NEUROG2: variants seen among roughly 807,000 people sequenced by gnomAD.
NEUROG2 encodes neurogenin-2.
NEUROG2 carries 1 observed loss-of-function variant against 2.8 expected under a neutral mutation model. The ratio of observed to expected loss-of-function variants is 0.36; its 90% CI spans 0.13 to 1.71. The LOEUF (loss-of-function observed/expected upper bound fraction) is 1.71, where lower values mean the gene tolerates loss of function less well. Ranked by LOEUF, NEUROG2 falls within the 40% of genes most tolerant of loss-of-function variation. The pLI is 0.34. For synonymous variants in NEUROG2, 211 were observed against 187.7 expected, an observed-to-expected ratio of 1.12 and a Z score of -1.01; for missense variants, 397 against 392.7, an observed-to-expected ratio of 1.01 and a Z score of -0.09.
chr4:112,515,322 GCGCCCC>G lies in NEUROG2; in HGVS notation c.148_153del (p.Gly50_Ala51del). 1 of 1,419,536 alleles carries G rather than the reference GCGCCCC, an allele frequency of 7.0e-7. No individual in the cohort carries two copies. Among genetic ancestry groups the G allele is most frequent in the Non-Finnish European group, 9.1e-7 (1 of 1,093,796 alleles). 87.9% of individuals were successfully genotyped at this position (1,419,536 alleles called of 1,614,324 possible). A position where few individuals can be genotyped will look rare whatever the true frequency, so the allele number is the denominator to read the frequency against. ...CCGGCCTCAGCCCCGCGCTGCCGAC[GCGCCCC>G]GCCTGACGCGCCCGGCTCCTCCTCC... On this transcript the variant is annotated inframe_deletion, in exon 2 of 2. Transcript: ENST00000313341.
intron 1 of NEUROG2, 103 bp from the exon 2 acceptor site, chr4:112,515,579 A>G (rs1736423174): frequency 3.0e-6 from 3 of 992,238 alleles, no homozygotes; most frequent in Non-Finnish European, 2.8e-6. Flanking sequence ...ACCCGAGAAG[A>G]CCAGCTCCGA....
In NEUROG2 at chr4:112,515,272, A is replaced by C. The variant is rs1304634249; in HGVS notation, c.204T>G (p.Ala68=). 4 of 1,517,460 alleles carry C rather than the reference A, an allele frequency of 2.6e-6. No individual in the cohort carries two copies. The highest frequency in any genetic ancestry group is 3.5e-6 in the Non-Finnish European group (4 of 1,142,048). 94.0% of individuals were successfully genotyped at this position (1,517,460 alleles called of 1,614,324 possible). Residue 68 remains alanine (A), a synonymous_variant, in exon 2 of 2, where the codon GCT becomes GCG. Coordinates refer to ENST00000313341, the MANE Select transcript of NEUROG2 (RefSeq NM_024019.4). ...EAGQGARGGV[A]AGAEGCRPAR... is the part of the protein sequence containing the mutation. ...CGGGCCGGCAGCCCTCCGCACCCGCAGCCACGCCGCCCCGCGCCCCCTGCC... is the reference window on the plus strand; with the variant it reads ...CGGGCCGGCAGCCCTCCGCACCCGCCGCCACGCCGCCCCGCGCCCCCTGCC...
chr4:112,514,878 C>A lies in NEUROG2; in HGVS notation c.598G>T (p.Ala200Ser), dbSNP rs747559715. The A allele has an allele frequency of 3.1e-5, 49 of 1,600,038 alleles. No individual in the cohort carries two copies. The highest frequency in any genetic ancestry group is 3.7e-5 in the Non-Finnish European group (43 of 1,175,560). Residue 200 changes from alanine to serine, a missense_variant, in exon 2 of 2, where the codon GCC becomes TCC. By Grantham distance (99) the Ala-to-Ser change is moderately conservative. Transcript: ENST00000313341. ...GGGCTGTCTCCGCTGCTGCTCAGGGCGGCGCTGGCTCCTCCCGGGCTCAGC... is the reference window on the plus strand; with the variant it reads ...GGGCTGTCTCCGCTGCTGCTCAGGGAGGCGCTGGCTCCTCCCGGGCTCAGC... ...VLLSPGGASAALSSSGDSPSP... is the reference protein window; with the variant it reads ...VLLSPGGASASLSSSGDSPSP...
In NEUROG2 at chr4:112,515,942, G is replaced by C. The variant is rs1736438001; in HGVS notation, c.-97C>G. On this transcript the variant is annotated 5_prime_UTR_variant, in exon 1 of 2. Coordinates refer to ENST00000313341, the MANE Select transcript of NEUROG2 (RefSeq NM_024019.4). ...GAGCGCAGCGCCGGGTCCTTCGCCCGGCGTGAAAGCTGCAAGCCCGGCGCT... is the reference window on the plus strand; with the variant it reads ...GAGCGCAGCGCCGGGTCCTTCGCCCCGCGTGAAAGCTGCAAGCCCGGCGCT... 1 of 152,844 alleles carries C rather than the reference G, an allele frequency of 6.5e-6. No homozygotes were observed. Among genetic ancestry groups the C allele is most frequent in the Non-Finnish European group, 1.5e-5 (1 of 68,260 alleles). 9.5% of individuals were successfully genotyped at this position (152,844 alleles called of 1,614,324 possible).
chr4:112,514,935 G>A lies in NEUROG2; in HGVS notation c.541C>T (p.Leu181=). 6.2e-7 allele frequency: 1 copy of A among 1,609,856 alleles called. No homozygotes were observed. The highest frequency in any genetic ancestry group is 2.2e-5 in the East Asian group (1 of 44,790). The change falls in exon 2 of 2, where the codon CTG becomes TTG. Residue 181 remains leucine (L), a synonymous_variant. Coordinates refer to ENST00000313341, the MANE Select transcript of NEUROG2 (RefSeq NM_024019.4). Reference sequence around the variant, plus strand: ...GCCTCGGAGAAGAGCGCCCCCGGCAGGCCCCCGCCGCCGCCCCCGCAGTGA... The same window carrying A: ...GCCTCGGAGAAGAGCGCCCCCGGCAAGCCCCCGCCGCCGCCCCCGCAGTGA... ...ADHCGGGGGG[L]PGALFSEAVL...
chr4:112,514,350 T>G lies in NEUROG2; in HGVS notation c.*307A>C. The stretch of plus-strand genomic sequence containing the variant: ...AGCGTCAGTCCGCTCTGCAAACTCT[T>G]TAGATATGCCACCATCATCTCTTCC... On this transcript the variant is annotated 3_prime_UTR_variant, in exon 2 of 2. Coordinates refer to ENST00000313341, the MANE Select transcript of NEUROG2 (RefSeq NM_024019.4). 9.5e-6 allele frequency: 3 copies of G among 315,532 alleles called. No homozygotes were observed. The highest frequency in any genetic ancestry group is 1.7e-5 in the Non-Finnish European group (3 of 174,210). 19.5% of individuals were successfully genotyped at this position (315,532 alleles called of 1,614,324 possible). A position where few individuals can be genotyped will look rare whatever the true frequency, so the allele number is the denominator to read the frequency against.
chr4:112,515,116 G>C lies in NEUROG2; in HGVS notation c.360C>G (p.Arg120=), dbSNP rs541880700. Residue 120 remains arginine (R), a synonymous_variant, in exon 2 of 2, where the codon CGC becomes CGG. Coordinates refer to ENST00000313341, the MANE Select transcript of NEUROG2 (RefSeq NM_024019.4). ...TGAGGTTGTGCATGCGGTTTCGCTC[G>C]CGGTTGTTGGCCTTCAGTCTACGGG... The part of the protein sequence containing the change: ...KKTRRLKANN[R]ERNRMHNLNA... 8 of 1,613,960 alleles carry C rather than the reference G, an allele frequency of 5.0e-6. No individual in the cohort carries two copies. Among genetic ancestry groups the C allele is most frequent in the African/African-American group, 2.7e-5 (2 of 75,064 alleles).
At chr4:112,515,660 C>A (rs891303471) in intron 1 of NEUROG2, 184 bp from the exon 2 acceptor site, 6 of 437,650 alleles carry the variant, frequency 1.4e-5, no homozygotes, top group African/African-American at 1.2e-4. Flanking sequence ...GCCGCTAGCG[C>A]TCGCTGTGAC....
rs1250318692 is a variant in NEUROG2 at position 112,513,883 on chromosome 4, A to T, written c.*774T>A. 2.0e-5 allele frequency: 3 copies of T among 152,668 alleles called. No homozygotes were observed. Among genetic ancestry groups the T allele is most frequent in the Non-Finnish European group, 4.4e-5 (3 of 68,058 alleles). The allele number at this position is 152,668 out of a possible 1,614,324, so 9.5% of individuals were successfully genotyped here. On this transcript the variant is annotated 3_prime_UTR_variant, in exon 2 of 2. Transcript: ENST00000313341. The stretch of plus-strand genomic sequence containing the variant: ...AGCCTAAATTTCCACGCTTGCATTC[A>T]ATCATTACAAAGCCTACAAATTATA...
chr4:112,514,245 T>C lies in NEUROG2; in HGVS notation c.*412A>G. 1 of 185,966 alleles carries C rather than the reference T, an allele frequency of 5.4e-6. No homozygotes were observed. The highest frequency in any genetic ancestry group is 1.4e-4 in the East Asian group (1 of 7,260). 11.5% of individuals were successfully genotyped at this position (185,966 alleles called of 1,614,324 possible). A position where few individuals can be genotyped will look rare whatever the true frequency, so the allele number is the denominator to read the frequency against. ...CTATGTAGAAGCAAAGGTGAAGAGA[T>C]CACAGGAACCAGTTGCATTCCCCCT... On this transcript the variant is annotated 3_prime_UTR_variant, in exon 2 of 2. Coordinates refer to ENST00000313341, the MANE Select transcript of NEUROG2 (RefSeq NM_024019.4).
Position 112,515,119 on chromosome 4 carries a change from G to A in NEUROG2, c.357C>T (p.Asn119=), listed in dbSNP as rs753349189. 1.9e-6 allele frequency: 3 copies of A among 1,613,946 alleles called. No individual in the cohort carries two copies. The highest frequency in any genetic ancestry group is 2.2e-5 in the East Asian group (1 of 44,866). The change falls in exon 2 of 2, where the codon AAC becomes AAT. Residue 119 remains asparagine, a synonymous_variant. Transcript: ENST00000313341. ...GGTTGTGCATGCGGTTTCGCTCGCG[G>A]TTGTTGGCCTTCAGTCTACGGGTCT... The part of the protein sequence containing the change: ...IKKTRRLKAN[N]RERNRMHNLN...
Position 112,514,651 on chromosome 4 carries a change from G to A in NEUROG2, c.*6C>T, listed in dbSNP as rs761706927. On this transcript the variant is annotated 3_prime_UTR_variant, in exon 2 of 2. Transcript: ENST00000313341. ...AGGCCTGGCGTGGGTAGCAGAAATG[G>A]CAGCTCTAGATACAATCCCTGGCTA... 2 of 1,494,256 alleles carry A rather than the reference G, an allele frequency of 1.3e-6. No individual in the cohort carries two copies. Among genetic ancestry groups the A allele is most frequent in the Non-Finnish European group, 1.8e-6 (2 of 1,124,100 alleles). The allele number at this position is 1,494,256 out of a possible 1,614,324, so 92.6% of individuals were successfully genotyped here. A position where few individuals can be genotyped will look rare whatever the true frequency, so the allele number is the denominator to read the frequency against.
Position 112,514,838 on chromosome 4 carries a change from G to C in NEUROG2, c.638C>G (p.Thr213Arg). The C allele has an allele frequency of 6.3e-7, 1 of 1,590,646 alleles. No individual in the cohort carries two copies. Among genetic ancestry groups the C allele is most frequent in the Non-Finnish European group, 8.5e-7 (1 of 1,172,124 alleles). ...CGCGGGGCTGTTGGTGCAACTCCAC[G>C]TGGAGGCGGGCGAGGGGCTGTCTCC... ...SSGDSPSPAS[T>R]WSCTNSPAPS... Residue 213 changes from threonine (T) to arginine (R), a missense_variant, in exon 2 of 2, where the codon ACG (threonine) becomes AGG (arginine). Coordinates refer to ENST00000313341, the MANE Select transcript of NEUROG2 (RefSeq NM_024019.4).
At position 112,514,924 on chromosome 4, in the gene NEUROG2, C is replaced by T. The variant is rs1175738905; in HGVS notation, c.552G>A (p.Ala184=). The change falls in exon 2 of 2, where the codon GCG becomes GCA. Residue 184 remains alanine (A), a synonymous_variant. Transcript: ENST00000313341. ...CGGGGGGLPG[A]LFSEAVLLSP... is the part of the protein sequence containing the mutation. ...TCAGCAACACTGCCTCGGAGAAGAG[C>T]GCCCCCGGCAGGCCCCCGCCGCCGC... The T allele has an allele frequency of 2.5e-6, 4 of 1,607,096 alleles. No homozygotes were observed. Among genetic ancestry groups the T allele is most frequent in the South Asian group, 1.1e-5 (1 of 90,208 alleles).
Position 112,514,385 on chromosome 4 carries a change from T to C in NEUROG2, c.*272A>G, listed in dbSNP as rs1736376797. The C allele has an allele frequency of 2.7e-6, 1 of 374,416 alleles. No individual in the cohort carries two copies. 23.2% of individuals were successfully genotyped at this position (374,416 alleles called of 1,614,324 possible). A position where few individuals can be genotyped will look rare whatever the true frequency, so the allele number is the denominator to read the frequency against. ...CACCATCATCTCTTCCCAGGGTCTT[T>C]TTCGTCTCAAGAAGCGCCCCCAAAA... On this transcript the variant is annotated 3_prime_UTR_variant, in exon 2 of 2. Coordinates refer to ENST00000313341, the MANE Select transcript of NEUROG2 (RefSeq NM_024019.4).
At position 112,514,796 on chromosome 4, in the gene NEUROG2, G is replaced by A; in HGVS notation, c.680C>T (p.Ser227Phe). 2 of 1,557,192 alleles carry A rather than the reference G, an allele frequency of 1.3e-6. No individual in the cohort carries two copies. The highest frequency in any genetic ancestry group is 8.6e-7 in the Non-Finnish European group (1 of 1,157,380). ...TNSPAPSSSVSSNSTSPYSCT... is the reference protein window; with the variant it reads ...TNSPAPSSSVFSNSTSPYSCT... ...GCTGTAGGGGGAGGTGGAATTGGAG[G>A]ACACGGAGGAGGACGGCGCGGGGCT... The change falls in exon 2 of 2, where the codon TCC becomes TTC. Residue 227 changes from serine to phenylalanine, a missense_variant. By Grantham distance (155) the Ser-to-Phe change is radical. Coordinates refer to ENST00000313341, the MANE Select transcript of NEUROG2 (RefSeq NM_024019.4).
chr4:112,514,217 T>A lies in NEUROG2; in HGVS notation c.*440A>T, dbSNP rs561488746. 6.0e-6 allele frequency: 1 copy of A among 167,834 alleles called. No homozygotes were observed. Among genetic ancestry groups the A allele is most frequent in the East Asian group, 1.7e-4 (1 of 5,868 alleles). The allele number at this position is 167,834 out of a possible 1,614,324, so 10.4% of individuals were successfully genotyped here. A position where few individuals can be genotyped will look rare whatever the true frequency, so the allele number is the denominator to read the frequency against. The stretch of plus-strand genomic sequence containing the variant: ...CATTTCTTTCTACTCGACATTAACA[T>A]CTCTATGTAGAAGCAAAGGTGAAGA... On this transcript the variant is annotated 3_prime_UTR_variant, in exon 2 of 2. Coordinates refer to ENST00000313341, the MANE Select transcript of NEUROG2 (RefSeq NM_024019.4).
At position 112,515,118 on chromosome 4, in the gene NEUROG2, G is replaced by T. The variant is rs201699665; in HGVS notation, c.358C>A (p.Arg120Ser). 1 of 1,613,944 alleles carries T rather than the reference G, an allele frequency of 6.2e-7. No homozygotes were observed. Among genetic ancestry groups the T allele is most frequent in the Non-Finnish European group, 8.5e-7 (1 of 1,179,908 alleles). The change falls in exon 2 of 2, where the codon CGC becomes AGC. Residue 120 changes from arginine to serine, a missense_variant. Arg to Ser is a moderately radical substitution (Grantham distance 110). Transcript: ENST00000313341. ...AGGTTGTGCATGCGGTTTCGCTCGC[G>T]GTTGTTGGCCTTCAGTCTACGGGTC... ...KKTRRLKANNRERNRMHNLNA... is the reference protein window; with the variant it reads ...KKTRRLKANNSERNRMHNLNA...
Position 112,515,440 on chromosome 4 carries a change from C to T in NEUROG2, c.36G>A (p.Glu12=). The T allele has an allele frequency of 6.5e-7, 1 of 1,527,382 alleles. No individual in the cohort carries two copies. The highest frequency in any genetic ancestry group is 2.7e-5 in the East Asian group (1 of 37,394). The allele number at this position is 1,527,382 out of a possible 1,614,324, so 94.6% of individuals were successfully genotyped here. A position where few individuals can be genotyped will look rare whatever the true frequency, so the allele number is the denominator to read the frequency against. ...FVKSETLELK[E]EEDVLVLLGS... ...CGAGCAGCACTAACACGTCCTCTTC[C>T]TCCTTCAACTCCAAGGTCTCGGATT... The change falls in exon 2 of 2, where the codon GAG becomes GAA. Residue 12 remains glutamate, a synonymous_variant. Transcript: ENST00000313341.
Sources: gnomAD v4.1 joint callset for allele counts on GRCh38, gnomAD v4.1.1 for gene constraint, MANE v1.5 for transcripts, NCBI Gene and HGNC (gene_info 2026-07-23, HGNC 2026-07-21) for gene names.